SGK2: variants seen among roughly 807,000 people sequenced by gnomAD.
SGK2 encodes the protein serum/glucocorticoid regulated kinase 2, also known as serine/threonine-protein kinase Sgk2.
In SGK2, 36 loss-of-function variants were observed where a neutral mutation model predicts 47.5. The ratio of observed to expected loss-of-function variants is 0.76; its 90% confidence interval spans 0.58 to 1.00. The LOEUF is 1.00. SGK2 is among the 50% of genes least tolerant of loss of function. The pLI is 0.00. For missense variants in SGK2, 404 were observed against 467.4 expected, an observed-to-expected ratio of 0.86 and a Z score of 1.25; for synonymous variants, 157 against 181.9, an observed-to-expected ratio of 0.86 and a Z score of 1.10.
chr20:43,566,597 G>A, intron 2 of SGK2, 66 bp downstream of exon 2: 1 of 1,170,276 alleles, frequency 8.5e-7, no homozygotes, highest in Non-Finnish European at 1.2e-6. Context: ...AAGGAAATCT[G>A]TGGGTCCCAG....
At chr20:43,566,249 C>G (rs984804098) in intron 1 of SGK2, 8 of 1,281,832 alleles carry the variant, frequency 6.2e-6, no homozygotes, top group Non-Finnish European at 6.6e-6. Context: ...TGACCATCCC[C>G]CTTTATCCCT....
intron 6 of SGK2, 63 bp downstream of exon 6, chr20:43,569,579 A>G (rs967435392): frequency 1.3e-6 from 2 of 1,573,000 alleles, no homozygotes; most frequent in Admixed American, 3.4e-5. Context: ...TCCATCCCAC[A>G]TGCCCACTGC....
intron 9 of SGK2, among the ~76,000 whole-genome samples, chr20:43,574,454 G>C (rs1980345854): frequency 6.6e-6 from 1 of 152,152 alleles, no homozygotes; most frequent in Non-Finnish European, 1.5e-5. Context: ...TACTCCCGGG[G>C]CCTTCCGTTC....
At chr20:43,575,355 C>T (rs1330888865) in intron 10 of SGK2, among the ~76,000 whole-genome samples, 5 of 149,912 alleles carry the variant, frequency 3.3e-5, no homozygotes, top group South Asian at 2.1e-4. Flanking sequence ...CCCAGTTATT[C>T]GGCAGGCTAA....
intron 11 of SGK2, among the ~76,000 whole-genome samples, chr20:43,579,270 C>A (rs1431710804): frequency 1.3e-5 from 2 of 152,152 alleles, no homozygotes; most frequent in East Asian, 1.9e-4. Flanking sequence ...CCTGCCTTGA[C>A]CTCCCAAAGT....
Position 43,583,483 on chromosome 20 carries a change from G to A in SGK2, c.940-1369G>A, listed in dbSNP as rs554771087. ...TGCTGGGCTGGGACTACCTTGTCTTGTAGCCTTATTGAGAAGCTAGAAACT... is the reference window on the plus strand; with the variant it reads ...TGCTGGGCTGGGACTACCTTGTCTTATAGCCTTATTGAGAAGCTAGAAACT... On this transcript the variant is annotated intron_variant, in intron 12 of 12. Coordinates refer to ENST00000373100, the MANE Select transcript of SGK2 (RefSeq NM_170693.3). The A allele has an allele frequency of 2.6e-6, 3 of 1,162,532 alleles. No homozygotes were observed. In the South Asian group the frequency reaches 5.2e-5, roughly 20 times the overall value. The allele number at this position is 1,162,532 out of a possible 1,614,324, so 72.0% of individuals were successfully genotyped here.
chr20:43,577,287 AT>A (rs2145553671), intron 11 of SGK2, among the ~76,000 whole-genome samples: 1 of 149,922 alleles, frequency 6.7e-6, no homozygotes, highest in African/African-American at 2.4e-5. Context: ...GCATGACCTG[AT>A]TTAAGTTTTT....
intron 1 of SGK2, among the ~76,000 whole-genome samples, chr20:43,563,024 T>A: frequency 6.6e-6 from 1 of 151,212 alleles, no homozygotes; most frequent in African/African-American, 2.4e-5. Flanking sequence ...TAGTCCCGGG[T>A]ACTCAGGAGG....
chr20:43,569,295 AC>A (rs1979950298), intron 5 of SGK2, 89 bp from the exon 6 acceptor site: 3 of 1,500,204 alleles, frequency 2.0e-6, no homozygotes, highest in Admixed American at 1.8e-5. Flanking sequence ...GGGTAGGATG[AC>A]CCCCACCCAC....
chr20:43,566,964 CA>C, intron 2 of SGK2, 103 bp from the exon 3 acceptor site: 2 of 867,650 alleles, frequency 2.3e-6, no homozygotes, highest in Admixed American at 2.3e-5. Context: ...AAAAGGCAGG[CA>C]GGCCTAGTAG....
chr20:43,563,667 T>G (rs1464154579), intron 1 of SGK2, among the ~76,000 whole-genome samples: 2 of 152,218 alleles, frequency 1.3e-5, no homozygotes, highest in East Asian at 3.8e-4. Flanking sequence ...TGTTCTGAAG[T>G]GCTCTGTGGT....
chr20:43,570,149 C>G (rs554488480), intron 6 of SGK2, among the ~76,000 whole-genome samples: 1 of 152,186 alleles, frequency 6.6e-6, no homozygotes, highest in African/African-American at 2.4e-5. Flanking sequence ...TGGATCTAAC[C>G]TGAGCTCAGT....
intron 1 of SGK2, among the ~76,000 whole-genome samples, chr20:43,563,681 A>T (rs1160454272): frequency 6.6e-6 from 1 of 152,210 alleles, no homozygotes; most frequent in Admixed American, 6.5e-5. Flanking sequence ...CTGTGGTGGG[A>T]CACTTAGGTT....
chr20:43,583,938 G>A (rs141764830), intron 12 of SGK2, among the ~76,000 whole-genome samples: 10 of 152,102 alleles, frequency 6.6e-5, no homozygotes, highest in African/African-American at 2.2e-4. Flanking sequence ...CTCCAGCCTG[G>A]GTGATGGGCA....
chr20:43,567,021 T>C (rs1406483240), intron 2 of SGK2, 47 bp from the exon 3 acceptor site: 13 of 1,512,756 alleles, frequency 8.6e-6, no homozygotes, highest in Non-Finnish European at 1.1e-5. Flanking sequence ...GAAAGGGAGG[T>C]AGCCAAGGAG....
In SGK2 at chr20:43,569,529, A is replaced by T. The variant is rs556339112; in HGVS notation, c.360+13A>T. 2 of 1,611,330 alleles carry T rather than the reference A, an allele frequency of 1.2e-6. No individual in the cohort carries two copies. Among genetic ancestry groups the T allele is most frequent in the Admixed American group, 3.3e-5 (2 of 59,980 alleles). ...CAACGGGGGAGAGGTGGGTGGGCCCACAGGGAGGCTTCCCTGGGCTGGCTC... is the reference window on the plus strand; with the variant it reads ...CAACGGGGGAGAGGTGGGTGGGCCCTCAGGGAGGCTTCCCTGGGCTGGCTC... On this transcript the variant is annotated intron_variant, in intron 6 of 12. Coordinates refer to ENST00000373100, the MANE Select transcript of SGK2 (RefSeq NM_170693.3).
At position 43,567,682 on chromosome 20, in the gene SGK2, T is replaced by G. The variant is rs774384018; in HGVS notation, c.104T>G (p.Phe35Cys). The G allele has an allele frequency of 6.2e-7, 1 of 1,614,188 alleles. No individual in the cohort carries two copies. Among genetic ancestry groups the G allele is most frequent in the Admixed American group, 1.7e-5 (1 of 60,016 alleles). Residue 35 changes from phenylalanine (F) to cysteine (C), a missense_variant, in exon 4 of 13, where the codon TTC becomes TGC. Physicochemically the swap from Phe to Cys is radical, Grantham distance 205 (BLOSUM62 -2). Transcript: ENST00000373100. The part of the protein sequence containing the change: ...SANPNAQPTD[F>C]DFLKVIGKGN... ...TCCCCCAGTGCCCAGCCCACGGACT[T>G]CGACTTCCTCAAAGTCATCGGCAAA...
At chr20:43,576,153 G>C in intron 10 of SGK2, 71 bp from the exon 11 acceptor site, 1 of 1,571,080 alleles carries the variant, frequency 6.4e-7, no homozygotes, top group East Asian at 2.3e-5. Flanking sequence ...CGCCCACCTT[G>C]CTCCAAGTCT....
At chr20:43,573,309 C>T (rs1428268391) in intron 9 of SGK2, among the ~76,000 whole-genome samples, 1 of 152,130 alleles carries the variant, frequency 6.6e-6, no homozygotes, top group African/African-American at 2.4e-5. Context: ...GCCAACATGG[C>T]GAAACCCCGT....
Sources: gnomAD v4.1 joint callset for allele counts (sites outside exome capture counted in the v4.1 genomes callset) on GRCh38, gnomAD v4.1.1 for gene constraint, MANE v1.5 for transcripts, NCBI Gene and HGNC (gene_info 2026-07-23, HGNC 2026-07-21) for gene names.